The following NFATC4 variants were observed in gnomAD, a reference collection of about 807,000 sequenced individuals.
The protein encoded by NFATC4 is nuclear factor of activated T cells 4.
NFATC4 carries 25 observed loss-of-function variants against 73.4 expected under a neutral mutation model. The ratio of observed to expected loss-of-function variants is 0.34; its 90% CI spans 0.25 to 0.48. NFATC4 has a LOEUF of 0.48. Among genes scored for constraint, NFATC4 ranks in the 20% least tolerant of loss-of-function variants. The pLI is 0.99. For missense variants in NFATC4, 1,130 were observed against 1,203.7 expected, an observed-to-expected ratio of 0.94 and a Z score of 0.91; for synonymous variants, 523 against 510.3, an observed-to-expected ratio of 1.02 and a Z score of -0.34.
At chr14:24,375,196 G>A (rs532096580) in intron 6 of NFATC4, among the ~76,000 whole-genome samples, 21 of 152,256 alleles carry the variant, frequency 1.4e-4, no homozygotes, top group African/African-American at 4.8e-4. Context: ...TTACAGGCAT[G>A]AGCCACTGCC....
At position 24,377,106 on chromosome 14, in the gene NFATC4, C is replaced by T. The variant is rs541450687; in HGVS notation, c.2641+228C>T. 3.0e-6 allele frequency: 4 copies of T among 1,314,096 alleles called. No homozygotes were observed. Among genetic ancestry groups the T allele is most frequent in the East Asian group, 2.8e-5 (1 of 35,174 alleles). The allele number at this position is 1,314,096 out of a possible 1,614,324, so 81.4% of individuals were successfully genotyped here. On this transcript the variant is annotated intron_variant, in intron 9 of 9. Transcript: ENST00000250373. This position sits in a 1 kb window ranked among gnomAD's most constrained non-coding sequence, Gnocchi z 4.2. ...TGTCTCAGCCTTTCTCCTGTCTCTG[C>T]CTCTGTCCTCTGCTCCAAATCATAA...
chr14:24,376,723 A>G lies in NFATC4; in HGVS notation c.2486A>G (p.Gln829Arg), dbSNP rs1179375150. ...CCGCTTGAAGGCCCCTTCCCTTCCC[A>G]GAGTGATGTGCATCCCCTACCTGCT... ...SPPLEGPFPS[Q>R]SDVHPLPAEG... Residue 829 changes from glutamine to arginine, a missense_variant, in exon 9 of 10, where the codon CAG becomes CGG. Physicochemically the swap from Gln to Arg is conservative, Grantham distance 43. Coordinates refer to ENST00000250373, the MANE Select transcript of NFATC4 (RefSeq NM_004554.5). The surrounding 1 kb of genome is among the most constrained non-coding windows in gnomAD (Gnocchi z 5.0). The G allele has an allele frequency of 6.2e-7, 1 of 1,613,764 alleles. No homozygotes were observed. The highest frequency in any genetic ancestry group is 8.5e-7 in the Non-Finnish European group (1 of 1,179,908).
rs946402518 is a variant in NFATC4, at chr14:24,376,676, G to A, written c.2439G>A (p.Pro813=). The A allele has an allele frequency of 6.2e-6, 10 of 1,613,264 alleles. No homozygotes were observed. The highest frequency in any genetic ancestry group is 1.6e-4 in the Middle Eastern group (1 of 6,080). Residue 813 remains proline, a synonymous_variant, in exon 9 of 10, where the codon CCG becomes CCA. Coordinates refer to ENST00000250373, the MANE Select transcript of NFATC4 (RefSeq NM_004554.5). This position sits in a 1 kb window ranked among gnomAD's most constrained non-coding sequence, Gnocchi z 5.0. ...TCTCTCCGCCAGCCCCCTTTCGGCC[G>A]CCTCCTCTTCCTGCATCCCCACCGC... ...LPFSPPAPFR[P]PPLPASPPLE...
Position 24,373,365 on chromosome 14 carries a change from G to A in NFATC4, c.1554G>A (p.Ala518=), listed in dbSNP as rs149580599. 1.7e-4 allele frequency: 272 copies of A among 1,613,698 alleles called. No homozygotes were observed. The highest frequency in any genetic ancestry group is 2.0e-4 in the Non-Finnish European group (239 of 1,180,018). The change falls in exon 4 of 10, where the codon GCG becomes GCA. Residue 518 remains alanine (A), a synonymous_variant. Coordinates refer to ENST00000250373, the MANE Select transcript of NFATC4 (RefSeq NM_004554.5). The surrounding 1 kb of genome is among the most constrained non-coding windows in gnomAD (Gnocchi z 4.7). ...EMTLLPENNM[A]ANIDCAGILK... is the part of the protein sequence containing the mutation. ...CTCTGCTGCCTGAGAACAACATGGC[G>A]GCCAAGTAAGTCCCATGCAACTTCC... is the stretch of plus-strand genomic sequence containing the variant.
In NFATC4 at chr14:24,368,301, C is replaced by T. The variant is rs1242473827; in HGVS notation, c.-40C>T. 2 of 1,379,472 alleles carry T rather than the reference C, an allele frequency of 1.4e-6. No homozygotes were observed. Among genetic ancestry groups the T allele is most frequent in the Non-Finnish European group, 1.9e-6 (2 of 1,067,224 alleles). 85.5% of individuals were successfully genotyped at this position (1,379,472 alleles called of 1,614,324 possible). ...ATACAGCAGCCTCCTGAACTCCCCCCTCCCACCCAGGCCGGGACCTGGGGG... is the reference window on the plus strand; with the variant it reads ...ATACAGCAGCCTCCTGAACTCCCCCTTCCCACCCAGGCCGGGACCTGGGGG... On this transcript the variant is annotated 5_prime_UTR_variant, in exon 1 of 10. Transcript: ENST00000250373.
In NFATC4 at chr14:24,377,417, G is replaced by A. The variant is rs1214967549; in HGVS notation, c.2642-221G>A. On this transcript the variant is annotated intron_variant, in intron 9 of 9. Coordinates refer to ENST00000250373, the MANE Select transcript of NFATC4 (RefSeq NM_004554.5). The surrounding 1 kb of genome is among the most constrained non-coding windows in gnomAD (Gnocchi z 4.2). ...TAAGCCAGCAGGAAAGGGCTAGGAC[G>A]GGTGCCTGGGAGCCCACATGGAGGG... 26 of 1,415,576 alleles carry A rather than the reference G, an allele frequency of 1.8e-5. No homozygotes were observed. Among genetic ancestry groups the A allele is most frequent in the South Asian group, 1.1e-4 (7 of 63,692 alleles). The allele number at this position is 1,415,576 out of a possible 1,614,324, so 87.7% of individuals were successfully genotyped here.
rs761686268 is a variant in NFATC4 at position 24,369,575 on chromosome 14, C to T, written c.177C>T (p.Ile59=). The stretch of plus-strand genomic sequence containing the variant: ...CCCCTCCCTATGGCGCTGCACCTAT[C>T]GGTATTCCCCGACCTCCACCCCCTC... ...GEPPPYGAAP[I]GIPRPPPPRP... The change falls in exon 2 of 10, where the codon ATC becomes ATT. Residue 59 remains isoleucine, a synonymous_variant. Transcript: ENST00000250373. The T allele has an allele frequency of 2.5e-6, 4 of 1,612,310 alleles. No homozygotes were observed. In the East Asian group the frequency reaches 6.7e-5, roughly 27 times the overall value.
At chr14:24,367,429 G>T (rs144465726), upstream of NFATC4, 645 of 1,535,694 alleles carry the variant, frequency 4.2e-4, 4 homozygotes, top group African/African-American at 7.2e-3. Context: ...CGGCCCCTCT[G>T]GGTGGCTGGG....
In NFATC4 at chr14:24,368,260, A is replaced by G; in HGVS notation, c.-81A>G. The G allele has an allele frequency of 7.4e-7, 1 of 1,344,136 alleles. No homozygotes were observed. The highest frequency in any genetic ancestry group is 2.1e-5 in the South Asian group (1 of 48,346). 83.3% of individuals were successfully genotyped at this position (1,344,136 alleles called of 1,614,324 possible). ...GCTTCTCAGAGAAAGGGAGGGAGGG[A>G]GCCACCCGGGTGAAGATACAGCAGC... is the stretch of plus-strand genomic sequence containing the variant. On this transcript the variant is annotated 5_prime_UTR_variant, in exon 1 of 10. Transcript: ENST00000250373.
chr14:24,368,532 G>A (rs922993986), intron 1 of NFATC4, 92 bp downstream of exon 1: 4 of 1,201,348 alleles, frequency 3.3e-6, no homozygotes, highest in Admixed American at 4.3e-5. Flanking sequence ...AGCCTAGGGT[G>A]GGGGGTGAGG....
In NFATC4 at chr14:24,376,799, G is replaced by A. The variant is rs752364673; in HGVS notation, c.2562G>A (p.Pro854=). The A allele has an allele frequency of 1.1e-5, 18 of 1,609,214 alleles. No individual in the cohort carries two copies. The highest frequency in any genetic ancestry group is 4.0e-5 in the African/African-American group (3 of 74,604). Residue 854 remains proline, a synonymous_variant, in exon 9 of 10, where the codon CCG becomes CCA. Transcript: ENST00000250373. This position sits in a 1 kb window ranked among gnomAD's most constrained non-coding sequence, Gnocchi z 5.0. ...GCTATGGCCCTGGGGAGGGGGCTCC[G>A]GAGCAGGAGAAATCCAGGGGTGGCT... ...GPGYGPGEGA[P]EQEKSRGGYS... is the part of the protein sequence containing the mutation.
Position 24,376,916 on chromosome 14 carries a change from G to T in NFATC4, c.2641+38G>T, listed in dbSNP as rs1419047380. ...CTGGGGGCTGTGAGTGTGAGTGTGT[G>T]CAAGAGATTGCTCTGCATGTTTGCT... On this transcript the variant is annotated intron_variant, in intron 9 of 9. Transcript: ENST00000250373. This position sits in a 1 kb window ranked among gnomAD's most constrained non-coding sequence, Gnocchi z 5.0. 9 of 1,493,014 alleles carry T rather than the reference G, an allele frequency of 6.0e-6. No homozygotes were observed. In the South Asian group the frequency reaches 8.2e-5, roughly 14 times the overall value. The allele number at this position is 1,493,014 out of a possible 1,614,324, so 92.5% of individuals were successfully genotyped here.
In NFATC4 at chr14:24,370,363, C is replaced by T. The variant is rs146803212; in HGVS notation, c.965C>T (p.Pro322Leu). ...CCCTTTGACTATGTGGGGGCCCCAC[C>T]AGCTGAGAGCATCCCTCAGAAGACA... ...PGPFDYVGAP[P>L]AESIPQKTRR... Residue 322 changes from proline to leucine, a missense_variant, in exon 2 of 10, where the codon CCA becomes CTA. Pro to Leu is a moderately conservative substitution (Grantham distance 98). This residue lies in a region of NFATC4 where 585 missense variants were observed against 574.3 expected (regional missense o/e 1.02). Transcript: ENST00000250373. The T allele has an allele frequency of 3.7e-4, 601 of 1,613,860 alleles. 1 individual carries two copies. The highest frequency in any genetic ancestry group is 1.8e-3 in the Middle Eastern group (11 of 6,056).
At chr14:24,367,550 T>G, upstream of NFATC4, 1 of 1,536,136 alleles carries the variant, frequency 6.5e-7, no homozygotes, top group Non-Finnish European at 8.7e-7. Context: ...GCATCCAGGC[T>G]GGCTAAGCGT....
At chr14:24,367,892 A>G, upstream of NFATC4, 11 of 1,319,750 alleles carry the variant, frequency 8.3e-6, no homozygotes, top group Non-Finnish European at 9.7e-6. Flanking sequence ...AACTGAGACT[A>G]GGGGAGGTGG....
chr14:24,369,959 C>T lies in NFATC4; in HGVS notation c.561C>T (p.Asp187=), dbSNP rs2228233. Residue 187 remains aspartate, a synonymous_variant, in exon 2 of 10, where the codon GAC becomes GAT. Transcript: ENST00000250373. ...GGAGCTTCTTCTCCGATGCCTCTGA[C>T]GAGGCAGCCCTGTATGCAGCCTGCG... ...SSWSFFSDAS[D]EAALYAACDE... 488,240 of 1,612,618 alleles carry T rather than the reference C, an allele frequency of 0.3. 77,044 individuals are homozygous for T. The highest frequency in any genetic ancestry group is 0.48 in the East Asian group (21,464 of 44,844).
At chr14:24,369,064 C>G in intron 1 of NFATC4, 7 of 1,403,160 alleles carry the variant, frequency 5.0e-6, no homozygotes, top group Non-Finnish European at 6.5e-6. Flanking sequence ...AGCCCTGACG[C>G]CCCCCTCCCC....
chr14:24,373,455 T>C lies in NFATC4; in HGVS notation c.1559+85T>C, dbSNP rs1206024216. ...CCTATGCTAGCCCACTTCTTCCTTT[T>C]CCCAGAAGAGGTAGACATTTTTCCT... On this transcript the variant is annotated intron_variant, in intron 4 of 9. Transcript: ENST00000250373. The surrounding 1 kb of genome is among the most constrained non-coding windows in gnomAD (Gnocchi z 4.7). 3.3e-6 allele frequency: 5 copies of C among 1,504,890 alleles called. No individual in the cohort carries two copies. Among genetic ancestry groups the C allele is most frequent in the Admixed American group, 3.7e-5 (2 of 54,030 alleles). 93.2% of individuals were successfully genotyped at this position (1,504,890 alleles called of 1,614,324 possible).
At chr14:24,367,874 G>A, upstream of NFATC4, 1 of 1,350,976 alleles carries the variant, frequency 7.4e-7, no homozygotes. Flanking sequence ...CTCGGACCCA[G>A]AACCTTGAAC....
Sources: gnomAD v4.1 joint callset for allele counts (sites outside exome capture counted in the v4.1 genomes callset) on GRCh38, gnomAD v4.1.1 for gene constraint, gnomAD v4.1.1 regional missense constraint, Gnocchi (gnomAD v3.1) non-coding constraint, MANE v1.5 for transcripts, NCBI Gene and HGNC (gene_info 2026-07-23, HGNC 2026-07-21) for gene names.